Variants in H2BC7 observed in about 807,000 individuals in gnomAD.
H2BC7 encodes histone H2B type 1-C/E/F/G/I.
In H2BC7, 15 loss-of-function variants were observed where a neutral mutation model predicts 6.0. The observed-to-expected ratio is 2.48, with a 90% confidence interval of 1.66 to 3.82. The LOEUF is 3.82. Ranked by LOEUF, H2BC7 falls within the 30% of genes most tolerant of loss-of-function variation. H2BC7 has a pLI of 0.00. For synonymous variants in H2BC7, 148 were observed against 70.7 expected, an observed-to-expected ratio of 2.09 and a Z score of -5.49; for missense variants, 227 against 169.4, an observed-to-expected ratio of 1.34 and a Z score of -1.89.
chr6:26,199,711 C>A lies in H2BC7; in HGVS notation c.153C>A (p.Pro51=), dbSNP rs753388936. The change falls in exon 1 of 1, where the codon CCC becomes CCA. Residue 51 remains proline, a synonymous_variant. Coordinates refer to ENST00000356530, the MANE Select transcript of H2BC7 (RefSeq NM_003522.4). ...YVYKVLKQVH[P]DTGISSKAMG... ...ACAAGGTGCTAAAGCAGGTCCACCC[C>A]GACACCGGCATCTCATCCAAGGCCA... The A allele has an allele frequency of 5.0e-6, 8 of 1,614,124 alleles. No homozygotes were observed. Among genetic ancestry groups the A allele is most frequent in the African/African-American group, 2.7e-5 (2 of 74,938 alleles).
At position 26,199,896 on chromosome 6, in the gene H2BC7, CAG is replaced by C. The variant is rs1765094435; in HGVS notation, c.341_342del (p.Glu114GlyfsTer12). ...GGGGAGCTGGCTAAGCACGCCGTGT[CAG>C]AGGGCACCAAGGCCGTCACCAAGTA... is the stretch of plus-strand genomic sequence containing the variant. On this transcript the variant is annotated frameshift_variant, in exon 1 of 1. Transcript: ENST00000356530. LOFTEE classifies it high-confidence loss of function. 6.2e-7 allele frequency: 1 copy of C among 1,614,140 alleles called. No individual in the cohort carries two copies. The highest frequency in any genetic ancestry group is 8.5e-7 in the Non-Finnish European group (1 of 1,180,056).
chr6:26,199,841 A>G lies in H2BC7; in HGVS notation c.283A>G (p.Ile95Val), dbSNP rs1273690806. The change falls in exon 1 of 1, where the codon ATC (isoleucine) becomes GTC (valine). Residue 95 changes from isoleucine to valine, a missense_variant. Ile to Val is a conservative substitution (Grantham distance 29). Coordinates refer to ENST00000356530, the MANE Select transcript of H2BC7 (RefSeq NM_003522.4). ...NKRSTITSRE[I>V]QTAVRLLLPG... Reference sequence around the variant, plus strand: ...GCGCTCCACCATCACCTCCAGGGAGATCCAGACGGCCGTACGCCTGCTGCT... The same window carrying G: ...GCGCTCCACCATCACCTCCAGGGAGGTCCAGACGGCCGTACGCCTGCTGCT... The G allele has an allele frequency of 6.2e-7, 1 of 1,614,218 alleles. No individual in the cohort carries two copies. Among genetic ancestry groups the G allele is most frequent in the Admixed American group, 1.7e-5 (1 of 60,020 alleles).
Position 26,199,972 on chromosome 6 carries a change from CT to C in H2BC7, c.*37del, listed in dbSNP as rs760076011. On this transcript the variant is annotated 3_prime_UTR_variant, in exon 1 of 1. Transcript: ENST00000356530. ...GTCTTCATACCCAATCCCAAAGGCT[CT>C]TTTAAGAGCCACCCACTTTTTCAGC... The C allele has an allele frequency of 2.5e-6, 4 of 1,605,594 alleles. No homozygotes were observed. In the African/African-American group the frequency reaches 5.4e-5, roughly 22 times the overall value.
rs780927195 is a variant in H2BC7, at chr6:26,199,588, T to C, written c.30T>C (p.Ala10=). 6 of 1,614,014 alleles carry C rather than the reference T, an allele frequency of 3.7e-6. No homozygotes were observed. The highest frequency in any genetic ancestry group is 4.2e-6 in the Non-Finnish European group (5 of 1,179,996). The part of the protein sequence containing the change: MPEPAKSAP[A]PKKGSKKAVT... ...CTGAACCTGCTAAGTCCGCTCCTGC[T>C]CCAAAAAAGGGCTCCAAAAAGGCGG... is the stretch of plus-strand genomic sequence containing the variant. The change falls in exon 1 of 1, where the codon GCT becomes GCC. Residue 10 remains alanine, a synonymous_variant. Coordinates refer to ENST00000356530, the MANE Select transcript of H2BC7 (RefSeq NM_003522.4).
chr6:26,199,709 C>G lies in H2BC7; in HGVS notation c.151C>G (p.Pro51Ala). 1.2e-6 allele frequency: 2 copies of G among 1,614,254 alleles called. No homozygotes were observed. The highest frequency in any genetic ancestry group is 1.7e-6 in the Non-Finnish European group (2 of 1,180,048). Residue 51 changes from proline to alanine, a missense_variant, in exon 1 of 1, where the codon CCC becomes GCC. Physicochemically the swap from Pro to Ala is conservative, Grantham distance 27. Transcript: ENST00000356530. ...GTACAAGGTGCTAAAGCAGGTCCAC[C>G]CCGACACCGGCATCTCATCCAAGGC... Reference protein sequence around the residue: ...YVYKVLKQVHPDTGISSKAMG... With the variant: ...YVYKVLKQVHADTGISSKAMG...
Position 26,199,598 on chromosome 6 carries a change from G to A in H2BC7, c.40G>A (p.Gly14Ser). Residue 14 changes from glycine to serine, a missense_variant, in exon 1 of 1, where the codon GGC becomes AGC. Physicochemically the swap from Gly to Ser is moderately conservative, Grantham distance 56. Coordinates refer to ENST00000356530, the MANE Select transcript of H2BC7 (RefSeq NM_003522.4). ...PAKSAPAPKK[G>S]SKKAVTKAQK... ...TAAGTCCGCTCCTGCTCCAAAAAAG[G>A]GCTCCAAAAAGGCGGTGACCAAGGC... 1.9e-6 allele frequency: 3 copies of A among 1,614,126 alleles called. No homozygotes were observed. The highest frequency in any genetic ancestry group is 2.2e-5 in the East Asian group (1 of 44,888).
chr6:26,199,541 A>T lies in H2BC7; in HGVS notation c.-18A>T, dbSNP rs1765079975. On this transcript the variant is annotated 5_prime_UTR_variant, in exon 1 of 1. Transcript: ENST00000356530. Reference sequence around the variant, plus strand: ...ACTTGCATTTCTCTTTAGGTTGTGGACGAAGTGTTTATTTATCATGCCTGA... The same window carrying T: ...ACTTGCATTTCTCTTTAGGTTGTGGTCGAAGTGTTTATTTATCATGCCTGA... The T allele has an allele frequency of 6.2e-7, 1 of 1,609,356 alleles. No homozygotes were observed. Among genetic ancestry groups the T allele is most frequent in the Non-Finnish European group, 8.5e-7 (1 of 1,178,626 alleles).
Position 26,199,639 on chromosome 6 carries a change from T to C in H2BC7, c.81T>C (p.Gly27=), listed in dbSNP as rs897516859. The C allele has an allele frequency of 2.5e-6, 4 of 1,614,062 alleles. No homozygotes were observed. The highest frequency in any genetic ancestry group is 3.3e-5 in the Admixed American group (2 of 60,000). Residue 27 remains glycine (G), a synonymous_variant, in exon 1 of 1, where the codon GGT becomes GGC. Transcript: ENST00000356530. ...KAVTKAQKKD[G]KKRKRSRKES... Reference sequence around the variant, plus strand: ...TGACCAAGGCGCAGAAGAAGGATGGTAAGAAGCGCAAGCGTAGCCGCAAGG... The same window carrying C: ...TGACCAAGGCGCAGAAGAAGGATGGCAAGAAGCGCAAGCGTAGCCGCAAGG...
Position 26,199,530 on chromosome 6 carries a change from T to C in H2BC7, c.-29T>C, listed in dbSNP as rs576116122. 43 of 1,604,664 alleles carry C rather than the reference T, an allele frequency of 2.7e-5. No homozygotes were observed. The highest frequency in any genetic ancestry group is 3.6e-5 in the Non-Finnish European group (42 of 1,176,964). On this transcript the variant is annotated 5_prime_UTR_variant, in exon 1 of 1. Coordinates refer to ENST00000356530, the MANE Select transcript of H2BC7 (RefSeq NM_003522.4). Reference sequence around the variant, plus strand: ...AGAGTGAGGACACTTGCATTTCTCTTTAGGTTGTGGACGAAGTGTTTATTT... The same window carrying C: ...AGAGTGAGGACACTTGCATTTCTCTCTAGGTTGTGGACGAAGTGTTTATTT...
Position 26,199,632 on chromosome 6 carries a change from A to C in H2BC7, c.74A>C (p.Lys25Thr). 1 of 1,614,272 alleles carries C rather than the reference A, an allele frequency of 6.2e-7. No individual in the cohort carries two copies. Among genetic ancestry groups the C allele is most frequent in the Non-Finnish European group, 8.5e-7 (1 of 1,180,052 alleles). Residue 25 changes from lysine to threonine, a missense_variant, in exon 1 of 1, where the codon AAG becomes ACG. Coordinates refer to ENST00000356530, the MANE Select transcript of H2BC7 (RefSeq NM_003522.4). ...SKKAVTKAQK[K>T]DGKKRKRSRK... ...AAGGCGGTGACCAAGGCGCAGAAGAAGGATGGTAAGAAGCGCAAGCGTAGC... is the reference window on the plus strand; with the variant it reads ...AAGGCGGTGACCAAGGCGCAGAAGACGGATGGTAAGAAGCGCAAGCGTAGC...
In H2BC7 at chr6:26,199,706, C is replaced by T. The variant is rs1162361570; in HGVS notation, c.148C>T (p.His50Tyr). The change falls in exon 1 of 1, where the codon CAC (histidine) becomes TAC (tyrosine). Residue 50 changes from histidine to tyrosine, a missense_variant. Physicochemically the swap from His to Tyr is moderately conservative, Grantham distance 83. Transcript: ENST00000356530. The stretch of plus-strand genomic sequence containing the variant: ...CGTGTACAAGGTGCTAAAGCAGGTC[C>T]ACCCCGACACCGGCATCTCATCCAA... The part of the protein sequence containing the change: ...VYVYKVLKQV[H>Y]PDTGISSKAM... 1.2e-6 allele frequency: 2 copies of T among 1,614,256 alleles called. No individual in the cohort carries two copies. The highest frequency in any genetic ancestry group is 1.7e-6 in the Non-Finnish European group (2 of 1,180,048).
chr6:26,199,657 C>T lies in H2BC7; in HGVS notation c.99C>T (p.Ser33=), dbSNP rs765879592. 3.7e-6 allele frequency: 6 copies of T among 1,614,258 alleles called. No individual in the cohort carries two copies. The highest frequency in any genetic ancestry group is 5.1e-6 in the Non-Finnish European group (6 of 1,180,040). The change falls in exon 1 of 1, where the codon AGC becomes AGT. Residue 33 remains serine (S), a synonymous_variant. Coordinates refer to ENST00000356530, the MANE Select transcript of H2BC7 (RefSeq NM_003522.4). ...QKKDGKKRKR[S]RKESYSVYVY... Reference sequence around the variant, plus strand: ...AGGATGGTAAGAAGCGCAAGCGTAGCCGCAAGGAGAGCTATTCCGTGTACG... The same window carrying T: ...AGGATGGTAAGAAGCGCAAGCGTAGTCGCAAGGAGAGCTATTCCGTGTACG...
chr6:26,199,960 A>G lies in H2BC7; in HGVS notation c.*21A>G. ...AGTAATTCTAACGTCTTCATACCCA[A>G]TCCCAAAGGCTCTTTTAAGAGCCAC... is the stretch of plus-strand genomic sequence containing the variant. On this transcript the variant is annotated 3_prime_UTR_variant, in exon 1 of 1. Coordinates refer to ENST00000356530, the MANE Select transcript of H2BC7 (RefSeq NM_003522.4). The G allele has an allele frequency of 6.2e-7, 1 of 1,611,776 alleles. No homozygotes were observed. The highest frequency in any genetic ancestry group is 8.5e-7 in the Non-Finnish European group (1 of 1,179,264).
chr6:26,199,586 G>T lies in H2BC7; in HGVS notation c.28G>T (p.Ala10Ser), dbSNP rs753063944. 5 of 1,614,126 alleles carry T rather than the reference G, an allele frequency of 3.1e-6. No homozygotes were observed. The highest frequency in any genetic ancestry group is 1.1e-5 in the South Asian group (1 of 91,088). The change falls in exon 1 of 1, where the codon GCT (alanine) becomes TCT (serine). Residue 10 changes from alanine (A) to serine (S), a missense_variant. Coordinates refer to ENST00000356530, the MANE Select transcript of H2BC7 (RefSeq NM_003522.4). Reference protein sequence around the residue: MPEPAKSAPAPKKGSKKAVT... With the variant: MPEPAKSAPSPKKGSKKAVT... ...GCCTGAACCTGCTAAGTCCGCTCCT[G>T]CTCCAAAAAAGGGCTCCAAAAAGGC...
chr6:26,199,708 C>T lies in H2BC7; in HGVS notation c.150C>T (p.His50=). 1 of 1,614,266 alleles carries T rather than the reference C, an allele frequency of 6.2e-7. No homozygotes were observed. Among genetic ancestry groups the T allele is most frequent in the Non-Finnish European group, 8.5e-7 (1 of 1,180,050 alleles). ...TGTACAAGGTGCTAAAGCAGGTCCACCCCGACACCGGCATCTCATCCAAGG... is the reference window on the plus strand; with the variant it reads ...TGTACAAGGTGCTAAAGCAGGTCCATCCCGACACCGGCATCTCATCCAAGG... ...VYVYKVLKQV[H]PDTGISSKAM... Residue 50 remains histidine, a synonymous_variant, in exon 1 of 1, where the codon CAC becomes CAT. Transcript: ENST00000356530.
rs773692137 is a variant in H2BC7 at position 26,199,763 on chromosome 6, G to C, written c.205G>C (p.Asp69His). 7.4e-6 allele frequency: 12 copies of C among 1,614,244 alleles called. No homozygotes were observed. Among genetic ancestry groups the C allele is most frequent in the Non-Finnish European group, 1.0e-5 (12 of 1,180,046 alleles). Residue 69 changes from aspartate (D) to histidine (H), a missense_variant, in exon 1 of 1, where the codon GAT becomes CAT. Asp to His is a moderately conservative substitution (Grantham distance 81). Transcript: ENST00000356530. ...AMGIMNSFVN[D>H]IFERIAGEAS... ...GGGCATCATGAACTCCTTCGTCAACGATATCTTCGAGCGCATCGCTGGCGA... is the reference window on the plus strand; with the variant it reads ...GGGCATCATGAACTCCTTCGTCAACCATATCTTCGAGCGCATCGCTGGCGA...
At position 26,199,929 on chromosome 6, in the gene H2BC7, G is replaced by C; in HGVS notation, c.371G>C (p.Ser124Thr). ...ACCAAGGCCGTCACCAAGTACACCA[G>C]CTCTAAGTAATTCTAACGTCTTCAT... ...EGTKAVTKYT[S>T]SK The change falls in exon 1 of 1, where the codon AGC (serine) becomes ACC (threonine). Residue 124 changes from serine (S) to threonine (T), a missense_variant. Transcript: ENST00000356530. 5 of 1,614,170 alleles carry C rather than the reference G, an allele frequency of 3.1e-6. No homozygotes were observed. Among genetic ancestry groups the C allele is most frequent in the Non-Finnish European group, 4.2e-6 (5 of 1,180,040 alleles).
rs1489802411 is a variant in H2BC7 at position 26,199,789 on chromosome 6, G to A, written c.231G>A (p.Glu77=). 6.2e-7 allele frequency: 1 copy of A among 1,614,246 alleles called. No homozygotes were observed. Among genetic ancestry groups the A allele is most frequent in the African/African-American group, 1.3e-5 (1 of 75,062 alleles). The change falls in exon 1 of 1, where the codon GAG becomes GAA. Residue 77 remains glutamate (E), a synonymous_variant. Transcript: ENST00000356530. ...VNDIFERIAG[E]ASRLAHYNKR... is the part of the protein sequence containing the mutation. ...ATATCTTCGAGCGCATCGCTGGCGA[G>A]GCTTCCCGCCTGGCGCATTACAACA...
chr6:26,199,954 T>C lies in H2BC7; in HGVS notation c.*15T>C. ...GCTCTAAGTAATTCTAACGTCTTCA[T>C]ACCCAATCCCAAAGGCTCTTTTAAG... On this transcript the variant is annotated 3_prime_UTR_variant, in exon 1 of 1. Transcript: ENST00000356530. 6.2e-7 allele frequency: 1 copy of C among 1,612,928 alleles called. No homozygotes were observed. Among genetic ancestry groups the C allele is most frequent in the Non-Finnish European group, 8.5e-7 (1 of 1,179,636 alleles).
Sources: gnomAD v4.1 joint callset for allele counts on GRCh38, gnomAD v4.1.1 for gene constraint, MANE v1.5 for transcripts, NCBI Gene and HGNC (gene_info 2026-07-23, HGNC 2026-07-21) for gene names.